The following SCLT1 variants were observed in gnomAD, a reference collection of about 807,000 sequenced individuals.
SCLT1 encodes sodium channel and clathrin linker 1.
A neutral mutation model predicts 112.8 loss-of-function variants in SCLT1; 78 were observed. The ratio of observed to expected loss-of-function variants is 0.69; its 90% CI spans 0.58 to 0.83. The LOEUF is 0.83. Among genes scored for constraint, SCLT1 ranks in the 40% least tolerant of loss-of-function variants. The pLI, the probability that SCLT1 is intolerant of heterozygous loss-of-function variation, is 0.00. For missense variants in SCLT1, 747 were observed against 770.4 expected (o/e 0.97, Z 0.36); for synonymous variants, 257 against 254.7 (o/e 1.01, Z -0.09).
At chr4:128,874,231 A>G (rs571280064) in intron 5 of SCLT1, 1 of 152,764 alleles carries the variant, frequency 6.5e-6, no homozygotes, top group Middle Eastern at 3.4e-3. Context: ...CTTTATCTAC[A>G]GTTATCTTTT....
intron 17 of SCLT1, among the ~76,000 whole-genome samples, chr4:128,940,451 A>G (rs1428008133): frequency 1.3e-5 from 2 of 152,016 alleles, no homozygotes; most frequent in East Asian, 1.9e-4. Flanking sequence ...GAATTCTAAA[A>G]TTGTTATTAC....
At chr4:129,082,470 C>T (rs1003867016) in intron 1 of SCLT1, 97 bp from the exon 2 acceptor site, 56 of 605,562 alleles carry the variant, frequency 9.2e-5, no homozygotes, top group Admixed American at 8.6e-4. Context: ...CCATGCAAAA[C>T]GGCTAGTCTT....
chr4:128,896,955 G>A (rs1241858049), intron 18 of SCLT1, among the ~76,000 whole-genome samples: 4 of 152,218 alleles, frequency 2.6e-5, no homozygotes, highest in South Asian at 4.1e-4. Context: ...GAAATGAAGT[G>A]AGAAGAGAAG....
intron 9 of SCLT1, among the ~76,000 whole-genome samples, chr4:128,975,337 C>T (rs1248053278): frequency 6.6e-6 from 1 of 151,780 alleles, no homozygotes; most frequent in African/African-American, 2.4e-5. Flanking sequence ...CCACACCCGG[C>T]CAACAACTTT....
intron 9 of SCLT1, 86 bp downstream of exon 9, chr4:128,992,081 C>T (rs1472986173): frequency 5.0e-6 from 4 of 798,216 alleles, no homozygotes; most frequent in Admixed American, 5.0e-5. Context: ...GGCAAAAAAA[C>T]ACCCATGGGG....
At chr4:128,873,256 G>GAAAAAAAAAAAAAAAAAAAA (rs1296724284) in intron 5 of SCLT1, 5 of 28,574 alleles carry the variant, frequency 1.7e-4, no homozygotes, top group African/African-American at 3.6e-4. Context: ...TAAGAAAAAG[G>GAAAAAAAAAAAAAAAAAAAA]AAAAAAAAAA....
chr4:128,889,994 A>C (rs140306067), intron 19 of SCLT1, among the ~76,000 whole-genome samples: 1 of 151,872 alleles, frequency 6.6e-6, no homozygotes, highest in African/African-American at 2.4e-5. Context: ...TATTATGCCC[A>C]AAAGCAAAAT....
At chr4:128,969,108 A>C (rs1467250615) in intron 10 of SCLT1, among the ~76,000 whole-genome samples, 1 of 152,194 alleles carries the variant, frequency 6.6e-6, no homozygotes, top group Non-Finnish European at 1.5e-5. Context: ...TTTCAAAAGT[A>C]AATTTCTCTT....
chr4:128,960,266 C>CATAT (rs556161334), intron 11 of SCLT1, among the ~76,000 whole-genome samples: 1 of 151,152 alleles, frequency 6.6e-6, no homozygotes, highest in Non-Finnish European at 1.5e-5. Context: ...ATCATATGTA[C>CATAT]ATATATATAT....
chr4:129,089,977 C>T (rs551892967), intron 1 of SCLT1, among the ~76,000 whole-genome samples: 2 of 152,074 alleles, frequency 1.3e-5, no homozygotes, highest in South Asian at 2.1e-4. Flanking sequence ...CAAAACTGCA[C>T]GTTCTGCACA....
At chr4:128,926,997 A>C (rs1236411785) in intron 18 of SCLT1, among the ~76,000 whole-genome samples, 2 of 152,174 alleles carry the variant, frequency 1.3e-5, no homozygotes, top group African/African-American at 2.4e-5. Context: ...ATTAAAAAAA[A>C]CCAAATGAAT....
At position 128,946,099 on chromosome 4, in the gene SCLT1, C is replaced by A. The variant is rs1359615869; in HGVS notation, c.1347G>T (p.Met449Ile). Residue 449 changes from methionine to isoleucine, a missense_variant, in exon 16 of 21, where the codon ATG becomes ATT. This residue lies in a region of SCLT1 where 723 missense variants were observed against 721.3 expected (regional missense o/e 1.00). Transcript: ENST00000281142. Reference protein sequence around the residue: ...NESDYRKLEEMHQRFLVSERS... With the variant: ...NESDYRKLEEIHQRFLVSERS... Reference sequence around the variant, plus strand: ...GCTCTGAAACCAGGAATCTTTGGTGCATTTCTTCCAGTTTTCTGTAATCAC... The same window carrying A: ...GCTCTGAAACCAGGAATCTTTGGTGAATTTCTTCCAGTTTTCTGTAATCAC... 7 of 1,608,562 alleles carry A rather than the reference C, an allele frequency of 4.4e-6. No homozygotes were observed. Among genetic ancestry groups the A allele is most frequent in the African/African-American group, 4.0e-5 (3 of 74,916 alleles).
intron 5 of SCLT1, among the ~76,000 whole-genome samples, chr4:129,016,440 G>A (rs984837052): frequency 6.6e-6 from 1 of 152,114 alleles, no homozygotes; most frequent in African/African-American, 2.4e-5. Flanking sequence ...TGTTGGTAAA[G>A]CAGTTTTTTA....
intron 2 of SCLT1, among the ~76,000 whole-genome samples, chr4:129,081,194 AC>A (rs1751904791): frequency 6.6e-6 from 1 of 152,194 alleles, no homozygotes; most frequent in African/African-American, 2.4e-5. Flanking sequence ...CCACTGCTAT[AC>A]TTCTTATTGA....
At chr4:129,004,567 A>C (rs1743828260) in intron 5 of SCLT1, among the ~76,000 whole-genome samples, 1 of 152,120 alleles carries the variant, frequency 6.6e-6, no homozygotes. Flanking sequence ...ATACATACTT[A>C]AGAGAAAAAA....
At chr4:129,037,848 G>T (rs1246325474) in intron 5 of SCLT1, 1 of 152,148 alleles carries the variant, frequency 6.6e-6, no homozygotes, top group Non-Finnish European at 1.5e-5. Flanking sequence ...TATGAGAAAA[G>T]AAAACCACAT....
chr4:128,956,282 T>C (rs1579497825), intron 13 of SCLT1, among the ~76,000 whole-genome samples: 2 of 152,076 alleles, frequency 1.3e-5, no homozygotes, highest in Admixed American at 6.6e-5. Context: ...TAATAAAATA[T>C]TTTTATCATT....
At chr4:129,069,407 A>C (rs1384300378) in intron 2 of SCLT1, among the ~76,000 whole-genome samples, 1 of 152,038 alleles carries the variant, frequency 6.6e-6, no homozygotes, top group Non-Finnish European at 1.5e-5. Flanking sequence ...CATGAGTATG[A>C]GATGTGTTTC....
At chr4:129,002,982 C>T (rs934710909) in intron 6 of SCLT1, among the ~76,000 whole-genome samples, 2 of 152,062 alleles carry the variant, frequency 1.3e-5, no homozygotes, top group African/African-American at 4.8e-5. Flanking sequence ...GACACATGCA[C>T]ATGTATGTTT....
Sources: allele counts gnomAD v4.1 joint callset (sites outside exome capture counted in the v4.1 genomes callset), GRCh38; gene constraint gnomAD v4.1.1; regional missense constraint gnomAD v4.1.1; transcripts MANE v1.5; gene names NCBI Gene and HGNC (gene_info 2026-07-23, HGNC 2026-07-21).